The following NEDD9 variants were observed in gnomAD, a reference collection of about 807,000 sequenced individuals.
NEDD9 encodes neural precursor cell expressed, developmentally down-regulated 9.
A neutral mutation model predicts 76.6 loss-of-function variants in NEDD9; 26 were observed. That is an observed-to-expected ratio of 0.34 (90% CI 0.25 to 0.47). The LOEUF (loss-of-function observed/expected upper bound fraction) is 0.47, where lower values mean the gene tolerates loss of function less well. Ranked by LOEUF, NEDD9 falls within the 20% of genes least tolerant of loss-of-function variation. The probability of loss-of-function intolerance (pLI) is 1.00; values close to 1 mark genes in which losing one functional copy is unlikely to be tolerated. For missense variants in NEDD9, 937 were observed against 1,058.5 expected, an observed-to-expected ratio of 0.89 and a Z score of 1.59; for synonymous variants, 392 against 414.2, an observed-to-expected ratio of 0.95 and a Z score of 0.65.
intron 1 of NEDD9, among the ~76,000 whole-genome samples, chr6:11,347,011 C>A (rs572933401): frequency 2.4e-4 from 37 of 152,064 alleles, no homozygotes; most frequent in African/African-American, 8.9e-4. Context: ...GGCTAAGAGG[C>A]CCCAAAGCAC....
At chr6:11,305,382 T>C (rs988738809) in intron 3 of NEDD9, 55 of 285,294 alleles carry the variant, frequency 1.9e-4, no homozygotes, top group Admixed American at 4.5e-4. Context: ...ATTCAGATCT[T>C]TGTGACCCTC....
At chr6:11,215,916 C>A (rs1758940668) in intron 1 of NEDD9, among the ~76,000 whole-genome samples, 2 of 152,188 alleles carry the variant, frequency 1.3e-5, no homozygotes, top group Non-Finnish European at 2.9e-5. Flanking sequence ...ACTCCAAGAG[C>A]ACCATGAGGC....
Position 11,190,631 on chromosome 6 carries a change from A to T in NEDD9, c.1238T>A (p.Leu413His). The change falls in exon 5 of 7, where the codon CTT becomes CAT. Residue 413 changes from leucine to histidine, a missense_variant. Transcript: ENST00000379446. This position sits in a 1 kb window ranked among gnomAD's most constrained non-coding sequence, Gnocchi z 5.8. ...FLDPDTAIER[L>H]QRLQQALEMG... is the part of the protein sequence containing the mutation. ...CTCAAGGGCCTGCTGGAGCCGCTGAAGTCTCTCAATAGCTGTGTCTGGATC... is the reference window on the plus strand; with the variant it reads ...CTCAAGGGCCTGCTGGAGCCGCTGATGTCTCTCAATAGCTGTGTCTGGATC... 1 of 1,614,174 alleles carries T rather than the reference A, an allele frequency of 6.2e-7. No homozygotes were observed. Among genetic ancestry groups the T allele is most frequent in the Non-Finnish European group, 8.5e-7 (1 of 1,180,012 alleles).
intron 6 of NEDD9, among the ~76,000 whole-genome samples, chr6:11,187,881 T>A (rs779400150): frequency 9.2e-5 from 14 of 152,236 alleles, no homozygotes; most frequent in Non-Finnish European, 1.6e-4. Flanking sequence ...TGAATTCCCC[T>A]ACTGTGGCTT....
At chr6:11,355,911 CG>C (rs770827675) in intron 1 of NEDD9, among the ~76,000 whole-genome samples, 34 of 151,948 alleles carry the variant, frequency 2.2e-4, no homozygotes, top group Non-Finnish European at 4.0e-4. Flanking sequence ...TTAGTAGAGA[CG>C]GGGTTTCACC....
intron 1 of NEDD9, among the ~76,000 whole-genome samples, chr6:11,343,738 A>G (rs980196081): frequency 6.6e-6 from 1 of 152,250 alleles, no homozygotes; most frequent in African/African-American, 2.4e-5. Flanking sequence ...TATCAGATAT[A>G]AGATGAGTAG....
Position 11,185,435 on chromosome 6 carries a change from T to C in NEDD9, c.2232A>G (p.Ala744=), listed in dbSNP as rs780616148. The change falls in exon 7 of 7, where the codon GCA becomes GCG. Residue 744 remains alanine, a synonymous_variant. Coordinates refer to ENST00000379446, the MANE Select transcript of NEDD9 (RefSeq NM_006403.4). The part of the protein sequence containing the change: ...SSAQPPRIFV[A]HSKFVILSAH... ...CACTGAGGATGACAAACTTGCTGTG[T>C]GCCACGAAGATTCGCGGGGGCTGGG... The C allele has an allele frequency of 6.2e-7, 1 of 1,614,230 alleles. No homozygotes were observed. The highest frequency in any genetic ancestry group is 8.5e-7 in the Non-Finnish European group (1 of 1,180,044).
chr6:11,378,753 T>C (rs1371074297), intron 1 of NEDD9, among the ~76,000 whole-genome samples: 1 of 152,234 alleles, frequency 6.6e-6, no homozygotes, highest in East Asian at 1.9e-4. Flanking sequence ...TTCAAAAAAA[T>C]TTATCATTCA....
At chr6:11,332,911 A>G (rs1762074728) in intron 2 of NEDD9, among the ~76,000 whole-genome samples, 1 of 152,184 alleles carries the variant, frequency 6.6e-6, no homozygotes, top group Non-Finnish European at 1.5e-5. Flanking sequence ...GCTGCATAGA[A>G]GCGGTTAATA....
intron 3 of NEDD9, among the ~76,000 whole-genome samples, chr6:11,295,892 G>A (rs951697217): frequency 6.6e-6 from 1 of 152,160 alleles, no homozygotes; most frequent in Non-Finnish European, 1.5e-5. Flanking sequence ...TTACACCCAC[G>A]TTAGGTGTGT....
chr6:11,243,059 C>T (rs969247043), intron 3 of NEDD9, among the ~76,000 whole-genome samples: 3 of 152,130 alleles, frequency 2.0e-5, no homozygotes, highest in African/African-American at 4.8e-5. Flanking sequence ...TGTGGATGAG[C>T]AAATATGAGC....
intron 1 of NEDD9, among the ~76,000 whole-genome samples, chr6:11,216,854 C>T (rs1252454835): frequency 6.6e-6 from 1 of 152,166 alleles, no homozygotes; most frequent in African/African-American, 2.4e-5. Flanking sequence ...TTGTACCTAT[C>T]TGATATTTAT....
In NEDD9 at chr6:11,190,594, G is replaced by A. The variant is rs760908461; in HGVS notation, c.1275C>T (p.Ser425=). The change falls in exon 5 of 7, where the codon TCC becomes TCT. Residue 425 remains serine, a synonymous_variant. Transcript: ENST00000379446. The surrounding 1 kb of genome is among the most constrained non-coding windows in gnomAD (Gnocchi z 5.8). Reference sequence around the variant, plus strand: ...CGGTAGTGACCAGTGCCATTAGGCTGGAGACACCCATCTCAAGGGCCTGCT... The same window carrying A: ...CGGTAGTGACCAGTGCCATTAGGCTAGAGACACCCATCTCAAGGGCCTGCT... The part of the protein sequence containing the change: ...RLQQALEMGV[S]SLMALVTTDW... 2 of 1,614,192 alleles carry A rather than the reference G, an allele frequency of 1.2e-6. No individual in the cohort carries two copies. Among genetic ancestry groups the A allele is most frequent in the Non-Finnish European group, 1.7e-6 (2 of 1,180,024 alleles).
intron 1 of NEDD9, among the ~76,000 whole-genome samples, chr6:11,222,933 C>T (rs534616722): frequency 1.3e-5 from 2 of 152,328 alleles, no homozygotes; most frequent in South Asian, 4.1e-4. Flanking sequence ...AGAGATTAGA[C>T]CACTGCTTCT....
rs112964197 is a variant in NEDD9, at chr6:11,252,872, T to C, written c.13-39145A>G. Reference sequence around the variant, plus strand: ...AATAAATAAAAATTAGACACAGAAATGGAAGTGATAGGAATGTATTTTTTT... The same window carrying C: ...AATAAATAAAAATTAGACACAGAAACGGAAGTGATAGGAATGTATTTTTTT... On this transcript the variant is annotated intron_variant, in intron 3 of 3. Coordinates refer to the NEDD9 transcript ENST00000397378. The surrounding 1 kb of genome is among the most constrained non-coding windows in gnomAD (Gnocchi z 4.3). 0.015 allele frequency among the ~76,000 whole-genome samples: 2,212 copies of C among 152,206 alleles called. 50 individuals carry two copies. The highest frequency in any genetic ancestry group is 0.049 in the African/African-American group (2,037 of 41,540).
intron 3 of NEDD9, among the ~76,000 whole-genome samples, chr6:11,291,530 T>C (rs1459495219): frequency 2.0e-5 from 3 of 152,088 alleles, no homozygotes; most frequent in Non-Finnish European, 4.4e-5. Flanking sequence ...TGCCTCGGGC[T>C]CCCAAAGTGC....
At chr6:11,210,568 G>C (rs1209357437) in intron 2 of NEDD9, among the ~76,000 whole-genome samples, 1 of 152,036 alleles carries the variant, frequency 6.6e-6, no homozygotes, top group Non-Finnish European at 1.5e-5. Flanking sequence ...TATCTCTTAG[G>C]GCCTAGGCTT....
At position 11,190,139 on chromosome 6, in the gene NEDD9, G is replaced by A. The variant is rs3734401; in HGVS notation, c.1730C>T (p.Thr577Met). The A allele has an allele frequency of 1.2e-4, 194 of 1,613,948 alleles. No homozygotes were observed. The East Asian group carries it at 3.9e-3, about 33-fold the overall frequency. Residue 577 changes from threonine (T) to methionine (M), a missense_variant, in exon 5 of 7, where the codon ACG becomes ATG. Thr to Met is a moderately conservative substitution (Grantham distance 81). Transcript: ENST00000379446. This position sits in a 1 kb window ranked among gnomAD's most constrained non-coding sequence, Gnocchi z 5.8. ...CTGGGAGCCACCGTGTGGGTACTCC[G>A]TTGAGTTCATGATGCTCTCCGGCCC... ...KNGPESIMNS[T>M]EYPHGGSQGQ...
chr6:11,192,596 C>CTTTT lies in NEDD9; in HGVS notation c.562-154_562-151dup, dbSNP rs34998457. 6.9e-3 allele frequency: 3,505 copies of CTTTT among 508,034 alleles called. 1 individual carries two copies. The highest frequency in any genetic ancestry group is 0.018 in the East Asian group (442 of 24,944). The allele number at this position is 508,034 out of a possible 1,614,324, so 31.5% of individuals were successfully genotyped here. A position where few individuals can be genotyped will look rare whatever the true frequency, so the allele number is the denominator to read the frequency against. Reference sequence around the variant, plus strand: ...CTCCATGTTATAACAGATTTATTGCCTTTTTTTTTAATACATTTTATGGTT... The same window carrying CTTTT: ...CTCCATGTTATAACAGATTTATTGCCTTTTTTTTTTTTTAATACATTTTATGGTT... On this transcript the variant is annotated intron_variant, in intron 3 of 6. Transcript: ENST00000379446.
Sources: gnomAD v4.1 joint callset for allele counts (sites outside exome capture counted in the v4.1 genomes callset) on GRCh38, gnomAD v4.1.1 for gene constraint, Gnocchi (gnomAD v3.1) non-coding constraint, MANE v1.5 for transcripts, NCBI Gene and HGNC (gene_info 2026-07-23, HGNC 2026-07-21) for gene names.